Variants in PIEZO2 observed in about 807,000 individuals in gnomAD.
PIEZO2 encodes piezo type mechanosensitive ion channel component 2, also known as piezo-type mechanosensitive ion channel component 2.
In PIEZO2, 172 loss-of-function variants were observed where a neutral mutation model predicts 337.3. The observed-to-expected ratio is 0.51, with a 90% CI of 0.45 to 0.58. PIEZO2 has a LOEUF of 0.58. Ranked by LOEUF, PIEZO2 falls within the 20% of genes least tolerant of loss-of-function variation. The pLI is 0.00. For synonymous variants in PIEZO2, 1,251 were observed against 1,228.5 expected (o/e 1.02, Z -0.38); for missense variants, 3,028 against 3,391.3 (o/e 0.89, Z 2.66).
chr18:10,957,702 AG>A (rs1318841283), intron 3 of PIEZO2, among the ~76,000 whole-genome samples: 1 of 152,240 alleles, frequency 6.6e-6, no homozygotes, highest in Non-Finnish European at 1.5e-5. Context: ...TGCACAGCAA[AG>A]GAAACAACTA....
intron 51 of PIEZO2, among the ~76,000 whole-genome samples, chr18:10,681,326 T>C (rs2034255301): frequency 6.6e-6 from 1 of 152,228 alleles, no homozygotes; most frequent in African/African-American, 2.4e-5. Flanking sequence ...AGTGCCTAGA[T>C]AGAGCGTTCT....
chr18:10,718,037 C>T (rs925486347), intron 37 of PIEZO2, among the ~76,000 whole-genome samples, 163 bp downstream of exon 37: 7 of 152,176 alleles, frequency 4.6e-5, no homozygotes, highest in South Asian at 2.1e-4. Flanking sequence ...AGTCATTTTG[C>T]AATTTCAGTG....
At chr18:10,934,663 G>GTT (rs1419960926) in intron 3 of PIEZO2, among the ~76,000 whole-genome samples, 2 of 151,234 alleles carry the variant, frequency 1.3e-5, no homozygotes, top group Admixed American at 1.3e-4. Flanking sequence ...GTGTGTGTGT[G>GTT]TGTGTGTGTG....
chr18:10,987,118 A>G (rs755926219), intron 2 of PIEZO2, among the ~76,000 whole-genome samples: 9 of 152,098 alleles, frequency 5.9e-5, no homozygotes, highest in Non-Finnish European at 1.3e-4. Context: ...AATGTATTTA[A>G]GATGCCCATA....
chr18:10,807,478 T>C (rs938536488), intron 7 of PIEZO2, among the ~76,000 whole-genome samples: 2 of 152,264 alleles, frequency 1.3e-5, no homozygotes, highest in Non-Finnish European at 2.9e-5. Context: ...ATGCATATAA[T>C]ATATACATTC....
chr18:10,726,522 C>G lies in PIEZO2; in HGVS notation c.5029+4885G>C, dbSNP rs2036548282. 1 of 1,466,334 alleles carries G rather than the reference C, an allele frequency of 6.8e-7. No individual in the cohort carries two copies. Among genetic ancestry groups the G allele is most frequent in the Admixed American group, 2.3e-5 (1 of 43,772 alleles). The allele number at this position is 1,466,334 out of a possible 1,614,324, so 90.8% of individuals were successfully genotyped here. On this transcript the variant is annotated intron_variant, in intron 36 of 55. Transcript: ENST00000674853. This position sits in a 1 kb window ranked among gnomAD's most constrained non-coding sequence, Gnocchi z 5.9. ...CGCAAGCAGCCGTTCCTGTGGCGCGCTGCGCTGCTCTGCTCTGCTACACCA... is the reference window on the plus strand; with the variant it reads ...CGCAAGCAGCCGTTCCTGTGGCGCGGTGCGCTGCTCTGCTCTGCTACACCA...
intron 5 of PIEZO2, among the ~76,000 whole-genome samples, chr18:10,866,743 C>T (rs893521351): frequency 7.2e-5 from 11 of 152,282 alleles, no homozygotes; most frequent in African/African-American, 2.6e-4. Context: ...CAGTCATGGA[C>T]TCAAAGTTAA....
chr18:10,914,994 T>G (rs1204948210), intron 3 of PIEZO2, among the ~76,000 whole-genome samples: 13 of 148,976 alleles, frequency 8.7e-5, no homozygotes, highest in African/African-American at 2.2e-4. Flanking sequence ...GCTCTGCCTG[T>G]CCATTCTCCT....
chr18:10,699,552 G>A (rs928387357), intron 43 of PIEZO2, among the ~76,000 whole-genome samples: 18 of 152,168 alleles, frequency 1.2e-4, no homozygotes, highest in Admixed American at 3.9e-4. Context: ...CTCCCCAGCC[G>A]TGTGGAACTG....
rs541337545 is a variant in PIEZO2, at chr18:10,834,361, T to C, written c.917+20992A>G. 1.3e-5 allele frequency among the ~76,000 whole-genome samples: 2 copies of C among 152,236 alleles called. No homozygotes were observed. Among genetic ancestry groups the C allele is most frequent in the African/African-American group, 4.8e-5 (2 of 41,534 alleles). On this transcript the variant is annotated intron_variant, in intron 7 of 55. Transcript: ENST00000674853. The surrounding 1 kb of genome is among the most constrained non-coding windows in gnomAD (Gnocchi z 4.5). ...GGGCATAATAAAGTAGACCACACCTTATGGAGTTGTTGGGAGGATTAAATG... is the reference window on the plus strand; with the variant it reads ...GGGCATAATAAAGTAGACCACACCTCATGGAGTTGTTGGGAGGATTAAATG...
rs572135621 is a variant in PIEZO2, at chr18:10,993,994, A to G, written c.161-14334T>C. ...CACTGAAGCCAATTTGTATGCTTTTATCCCTCGCCCCTTCCCACACTTTCC... is the reference window on the plus strand; with the variant it reads ...CACTGAAGCCAATTTGTATGCTTTTGTCCCTCGCCCCTTCCCACACTTTCC... On this transcript the variant is annotated intron_variant, in intron 2 of 55. Coordinates refer to ENST00000674853, the MANE Select transcript of PIEZO2 (RefSeq NM_001378183.1). The surrounding 1 kb of genome is among the most constrained non-coding windows in gnomAD (Gnocchi z 5.0). Among the ~76,000 whole-genome samples, 3 of 150,988 alleles carry G rather than the reference A, an allele frequency of 2.0e-5. No individual in the cohort carries two copies. Among genetic ancestry groups the G allele is most frequent in the Admixed American group, 6.6e-5 (1 of 15,262 alleles).
At chr18:11,073,389 T>A (rs901906131) in intron 1 of PIEZO2, among the ~76,000 whole-genome samples, 4 of 152,100 alleles carry the variant, frequency 2.6e-5, no homozygotes, top group Non-Finnish European at 5.9e-5. Flanking sequence ...GTCTTGAGCA[T>A]CCCCTCTCCC....
rs1284687416 is a variant in PIEZO2 at position 10,837,986 on chromosome 18, A to C, written c.917+17367T>G. On this transcript the variant is annotated intron_variant, in intron 7 of 55. Coordinates refer to ENST00000674853, the MANE Select transcript of PIEZO2 (RefSeq NM_001378183.1). The surrounding 1 kb of genome is among the most constrained non-coding windows in gnomAD (Gnocchi z 4.4). ...AGGCTGGTCTCGAACTCCTGATCGC[A>C]GGTGATCTGTCCGCCTCGGCCTCCC... Among the ~76,000 whole-genome samples, 1 of 152,096 alleles carries C rather than the reference A, an allele frequency of 6.6e-6. No individual in the cohort carries two copies. The highest frequency in any genetic ancestry group is 1.5e-5 in the Non-Finnish European group (1 of 68,022).
rs963878958 is a variant in PIEZO2 at position 11,126,035 on chromosome 18, C to A, written c.64+22490G>T. 2.0e-5 allele frequency among the ~76,000 whole-genome samples: 3 copies of A among 152,156 alleles called. No homozygotes were observed. Among genetic ancestry groups the A allele is most frequent in the African/African-American group, 7.2e-5 (3 of 41,436 alleles). On this transcript the variant is annotated intron_variant, in intron 1 of 55. Transcript: ENST00000674853. The surrounding 1 kb of genome is among the most constrained non-coding windows in gnomAD (Gnocchi z 4.6). Reference sequence around the variant, plus strand: ...ATGCATAATGACTCCATTTATTTTCCAAAATACGTTAACTTTCAGTCTGTA... The same window carrying A: ...ATGCATAATGACTCCATTTATTTTCAAAAATACGTTAACTTTCAGTCTGTA...
At chr18:11,054,540 T>C (rs1016079619) in intron 2 of PIEZO2, among the ~76,000 whole-genome samples, 1 of 152,214 alleles carries the variant, frequency 6.6e-6, no homozygotes, top group Non-Finnish European at 1.5e-5. Flanking sequence ...CAAAAAAGCA[T>C]ATCCTTGCCA....
intron 28 of PIEZO2, among the ~76,000 whole-genome samples, chr18:10,751,819 C>T (rs1174360965): frequency 1.3e-5 from 2 of 152,178 alleles, no homozygotes. Context: ...GAGGTTGTTG[C>T]TTAATTTCCC....
chr18:11,069,903 A>T lies in PIEZO2; in HGVS notation c.65-3681T>A, dbSNP rs147266559. Reference sequence around the variant, plus strand: ...AATGAACTATCTGAAAAAGAAATTTAAAAAATCCCATTCACAATAGCTACA... The same window carrying T: ...AATGAACTATCTGAAAAAGAAATTTTAAAAATCCCATTCACAATAGCTACA... On this transcript the variant is annotated intron_variant, in intron 1 of 55. Coordinates refer to ENST00000674853, the MANE Select transcript of PIEZO2 (RefSeq NM_001378183.1). The surrounding 1 kb of genome is among the most constrained non-coding windows in gnomAD (Gnocchi z 4.9). 1.2e-4 allele frequency among the ~76,000 whole-genome samples: 19 copies of T among 152,374 alleles called. No individual in the cohort carries two copies. In the East Asian group the frequency reaches 2.9e-3, roughly 23 times the overall value.
rs1377578293 is a variant in PIEZO2, at chr18:10,929,278, A to G, written c.287-18050T>C. Reference sequence around the variant, plus strand: ...AAATTAAAAGTGTGAGCGAGCTGCAAACGTGCACGCATCATATGAAGGTGT... The same window carrying G: ...AAATTAAAAGTGTGAGCGAGCTGCAGACGTGCACGCATCATATGAAGGTGT... On this transcript the variant is annotated intron_variant, in intron 3 of 55. Coordinates refer to ENST00000674853, the MANE Select transcript of PIEZO2 (RefSeq NM_001378183.1). This position sits in a 1 kb window ranked among gnomAD's most constrained non-coding sequence, Gnocchi z 5.6. Among the ~76,000 whole-genome samples, 2 of 152,198 alleles carry G rather than the reference A, an allele frequency of 1.3e-5. No individual in the cohort carries two copies. The highest frequency in any genetic ancestry group is 1.3e-4 in the Admixed American group (2 of 15,282).
Position 10,982,749 on chromosome 18 carries a change from C to A in PIEZO2, c.161-3089G>T, listed in dbSNP as rs1286639894. Among the ~76,000 whole-genome samples the A allele has an allele frequency of 6.6e-6, 1 of 151,618 alleles. No homozygotes were observed. Among genetic ancestry groups the A allele is most frequent in the Non-Finnish European group, 1.5e-5 (1 of 67,962 alleles). On this transcript the variant is annotated intron_variant, in intron 2 of 55. Transcript: ENST00000674853. This position sits in a 1 kb window ranked among gnomAD's most constrained non-coding sequence, Gnocchi z 4.1. ...ATTTATTTTTTTTTTGAGACAGGGTCTCACTCTGTCACCCAGGCTGGAGTG... is the reference window on the plus strand; with the variant it reads ...ATTTATTTTTTTTTTGAGACAGGGTATCACTCTGTCACCCAGGCTGGAGTG...
Sources: allele counts gnomAD v4.1 joint callset (sites outside exome capture counted in the v4.1 genomes callset), GRCh38; gene constraint gnomAD v4.1.1; non-coding constraint Gnocchi (gnomAD v3.1); transcripts MANE v1.5; gene names NCBI Gene and HGNC (gene_info 2026-07-23, HGNC 2026-07-21).